The following MVB12A variants were observed in gnomAD, a reference collection of about 807,000 sequenced individuals.
MVB12A encodes the protein CIN85/CD2AP family binding protein.
Under a neutral mutation model 34.3 loss-of-function variants are expected in MVB12A, and 30 were observed. The observed-to-expected ratio is 0.88, with a 90% CI of 0.65 to 1.19. The LOEUF is 1.19. MVB12A is among the 50% of genes most tolerant of loss of function. MVB12A has a pLI of 0.00. For synonymous variants in MVB12A, 158 were observed against 158.9 expected, an observed-to-expected ratio of 0.99 and a Z score of 0.04; for missense variants, 355 against 369.2, an observed-to-expected ratio of 0.96 and a Z score of 0.31.
chr19:17,423,931 G>T, intron 6 of MVB12A, 75 bp from the exon 7 acceptor site: 1 of 1,579,198 alleles, frequency 6.3e-7, no homozygotes, highest in Non-Finnish European at 8.7e-7. Context: ...GAGCCAGGCT[G>T]TGCGGGTTGG....
chr19:17,421,246 G>A (rs1443439560), intron 3 of MVB12A: 6 of 364,206 alleles, frequency 1.6e-5, no homozygotes, highest in Non-Finnish European at 3.2e-5. Flanking sequence ...GTGCAATGGC[G>A]CGATCTCAGC....
upstream of MVB12A, among the ~76,000 whole-genome samples, chr19:17,416,342 C>A (rs1443086303): frequency 6.6e-6 from 1 of 150,886 alleles, no homozygotes; most frequent in Admixed American, 6.6e-5. Flanking sequence ...GAACTCCTGA[C>A]CTTGTGATCC....
chr19:17,410,497 C>CATATATATATATATAT (rs373127253), intron 2 of MVB12A, among the ~76,000 whole-genome samples: 232 of 77,492 alleles, frequency 3.0e-3, no homozygotes, highest in Non-Finnish European at 4.0e-3. Flanking sequence ...GTTTTAGCTT[C>CATATATATATATATAT]ATATATATAT....
At chr19:17,420,031 T>C, upstream of MVB12A, 1 of 209,532 alleles carries the variant, frequency 4.8e-6, no homozygotes, top group Non-Finnish European at 7.1e-6. Context: ...CCCCCCCGCA[T>C]GGCCTTCTGG....
upstream of MVB12A, chr19:17,418,782 A>T (rs565693351): frequency 4.0e-5 from 6 of 150,580 alleles, no homozygotes; most frequent in African/African-American, 1.5e-4. Flanking sequence ...GCTAGATTCA[A>T]ACTCCTGGAC....
At chr19:17,407,445 TAA>T (rs887148967) in intron 2 of MVB12A, among the ~76,000 whole-genome samples, 1 of 151,790 alleles carries the variant, frequency 6.6e-6, no homozygotes, top group East Asian at 1.9e-4. Flanking sequence ...AGGGGCAGGG[TAA>T]AGAGTGTGAG....
chr19:17,420,599 T>C lies in MVB12A; in HGVS notation c.251T>C (p.Leu84Pro). ...GTGGTGGACAAGAGCCCCCTGCCGCTGGGCTTCTCCCCCGTCTGCGACCCC... is the reference window on the plus strand; with the variant it reads ...GTGGTGGACAAGAGCCCCCTGCCGCCGGGCTTCTCCCCCGTCTGCGACCCC... ...QIVVDKSPLPLGFSPVCDPMD... is the reference protein window; with the variant it reads ...QIVVDKSPLPPGFSPVCDPMD... Residue 84 changes from leucine (L) to proline (P), a missense_variant, in exon 3 of 9, where the codon CTG (leucine) becomes CCG (proline). Physicochemically the swap from Leu to Pro is moderately conservative, Grantham distance 98. Transcript: ENST00000317040. The C allele has an allele frequency of 1.2e-6, 2 of 1,613,856 alleles. No individual in the cohort carries two copies. The highest frequency in any genetic ancestry group is 2.2e-5 in the South Asian group (2 of 91,064).
Position 17,420,201 on chromosome 19 carries a change from A to T in MVB12A, c.66A>T (p.Ala22=), listed in dbSNP as rs758656588. 5 of 1,466,118 alleles carry T rather than the reference A, an allele frequency of 3.4e-6. No homozygotes were observed. Among genetic ancestry groups the T allele is most frequent in the Non-Finnish European group, 4.5e-6 (5 of 1,116,298 alleles). The allele number at this position is 1,466,118 out of a possible 1,614,324, so 90.8% of individuals were successfully genotyped here. Residue 22 remains alanine (A), a synonymous_variant, in exon 1 of 9, where the codon GCA becomes GCT. Coordinates refer to ENST00000317040, the MANE Select transcript of MVB12A (RefSeq NM_138401.4). ...LAGLAWSSAS[A]PPPRGFSAIS... ...GCCTGGCCTGGTCGTCGGCCTCTGC[A>T]CCCCCGCCGCGGGGGTTCAGCGCGG...
chr19:17,415,059 C>CG (rs2074790442), upstream of MVB12A: 1 of 151,602 alleles, frequency 6.6e-6, no homozygotes, highest in South Asian at 2.1e-4. Flanking sequence ...CTTGGTGGTG[C>CG]GAGCCTGTAA....
chr19:17,410,496 T>TTATATATGTATATATATATATA (rs1568387298), intron 2 of MVB12A, among the ~76,000 whole-genome samples: 22 of 31,510 alleles, frequency 7.0e-4, no homozygotes, highest in African/African-American at 2.1e-3. Flanking sequence ...GGTTTTAGCT[T>TTATATATGTATATATATATATA]CATATATATA....
chr19:17,423,548 C>T lies in MVB12A; in HGVS notation c.464C>T (p.Pro155Leu), dbSNP rs536646664. 1.2e-6 allele frequency: 2 copies of T among 1,613,980 alleles called. No individual in the cohort carries two copies. The highest frequency in any genetic ancestry group is 2.2e-5 in the South Asian group (2 of 91,078). Residue 155 changes from proline to leucine, a missense_variant, in exon 5 of 9, where the codon CCA becomes CTA. Physicochemically the swap from Pro to Leu is moderately conservative, Grantham distance 98. Transcript: ENST00000317040. ...TGCAAGAAGGCCAAGGCCCCGAGGCCAGTGCCCAAGCCCCGAGGTCTCAGC... is the reference window on the plus strand; with the variant it reads ...TGCAAGAAGGCCAAGGCCCCGAGGCTAGTGCCCAAGCCCCGAGGTCTCAGC... ...IWCKKAKAPR[P>L]VPKPRGLSRD...
Position 17,420,430 on chromosome 19 carries a change from C to A in MVB12A, c.189+19C>A. 6.2e-7 allele frequency: 1 copy of A among 1,611,884 alleles called. No individual in the cohort carries two copies. The highest frequency in any genetic ancestry group is 8.5e-7 in the Non-Finnish European group (1 of 1,178,040). ...CCTAGAGGTAAGAGGTGCCCACCTT[C>A]GGAACCACCAGGGTCTGCCCACCTC... On this transcript the variant is annotated intron_variant, in intron 2 of 8. Transcript: ENST00000317040.
At chr19:17,420,023 C>CACCG (rs1208390837), upstream of MVB12A, 1 of 473,074 alleles carries the variant, frequency 2.1e-6, no homozygotes, top group Non-Finnish European at 3.2e-6. Flanking sequence ...CCGCCCCCCC[C>CACCG]CCCCGCATGG....
At chr19:17,410,608 A>ACG (rs1568387540) in intron 2 of MVB12A, among the ~76,000 whole-genome samples, 2 of 124,090 alleles carry the variant, frequency 1.6e-5, no homozygotes, top group Non-Finnish European at 3.1e-5. Context: ...ATATATACAC[A>ACG]TATATATATA....
upstream of MVB12A, chr19:17,418,356 C>G (rs1156239405): frequency 2.0e-5 from 3 of 148,800 alleles, no homozygotes; most frequent in Admixed American, 6.9e-5. Context: ...AAACTTTTCC[C>G]CCAATGGGTG....
chr19:17,409,328 G>A (rs1039026534), intron 2 of MVB12A, among the ~76,000 whole-genome samples: 5 of 150,152 alleles, frequency 3.3e-5, no homozygotes, highest in East Asian at 2.0e-4. Context: ...ACGGGGTTTC[G>A]ACATGTTGGC....
chr19:17,422,136 G>A (rs1238981237), intron 3 of MVB12A, 196 bp from the exon 4 acceptor site: 2 of 474,250 alleles, frequency 4.2e-6, no homozygotes, highest in East Asian at 6.7e-5. Flanking sequence ...TACTCCAGCG[G>A]TTCCTAAAGG....
chr19:17,420,491 T>C (rs1174062976), intron 2 of MVB12A, 47 bp from the exon 3 acceptor site: 11 of 1,584,320 alleles, frequency 6.9e-6, no homozygotes, highest in South Asian at 1.1e-5. Context: ...CCAGGTGCGC[T>C]GTCCCCGCTG....
upstream of MVB12A, among the ~76,000 whole-genome samples, chr19:17,416,183 G>C (rs1016321475): frequency 1.1e-4 from 17 of 151,822 alleles, no homozygotes; most frequent in African/African-American, 4.1e-4. Context: ...CTGGGTTCAA[G>C]CAATTCTCCT....
Sources: gnomAD v4.1 joint callset for allele counts (sites outside exome capture counted in the v4.1 genomes callset) on GRCh38, gnomAD v4.1.1 for gene constraint, MANE v1.5 for transcripts, NCBI Gene and HGNC (gene_info 2026-07-23, HGNC 2026-07-21) for gene names.